Variants in SLC25A46 observed in about 807,000 individuals in gnomAD.
SLC25A46 encodes solute carrier family 25 member 46.
Under a neutral mutation model 44.6 loss-of-function variants are expected in SLC25A46, and 39 were observed. The observed-to-expected ratio is 0.87, with a 90% CI of 0.68 to 1.14. SLC25A46 has a LOEUF of 1.14. Ranked by LOEUF, SLC25A46 falls within the 50% of genes most tolerant of loss-of-function variation. The pLI, the probability that SLC25A46 is intolerant of heterozygous loss-of-function variation, is 0.00. For missense variants in SLC25A46, 547 were observed against 522.7 expected, an observed-to-expected ratio of 1.05 and a Z score of -0.45; for synonymous variants, 202 against 185.8, an observed-to-expected ratio of 1.09 and a Z score of -0.71.
intron 4 of SLC25A46, among the ~76,000 whole-genome samples, 187 bp from the exon 5 acceptor site, chr5:110,747,976 T>C (rs1208774571): frequency 6.6e-6 from 1 of 152,180 alleles, no homozygotes; most frequent in East Asian, 1.9e-4. Flanking sequence ...TTTTAATTAA[T>C]AGGAATGTTC....
intron 6 of SLC25A46, among the ~76,000 whole-genome samples, chr5:110,756,495 A>G (rs1044145154): frequency 1.3e-5 from 2 of 151,952 alleles, no homozygotes; most frequent in Non-Finnish European, 2.9e-5. Context: ...TTATCATTTG[A>G]TTTTTTCATC....
At position 110,764,079 on chromosome 5, in the gene SLC25A46, A is replaced by T. The variant is rs1215470337; in HGVS notation, c.*2297A>T. On this transcript the variant is annotated 3_prime_UTR_variant, in exon 8 of 8. Coordinates refer to ENST00000355943, the MANE Select transcript of SLC25A46 (RefSeq NM_138773.4). ...CTTCTTAAGATAATAACAGCTCAAAATAATATTTTTTAATTCAGTAGAACT... is the reference window on the plus strand; with the variant it reads ...CTTCTTAAGATAATAACAGCTCAAATTAATATTTTTTAATTCAGTAGAACT... The T allele has an allele frequency of 6.6e-6, 1 of 151,854 alleles. No individual in the cohort carries two copies. The highest frequency in any genetic ancestry group is 1.5e-5 in the Non-Finnish European group (1 of 67,880). 9.4% of individuals were successfully genotyped at this position (151,854 alleles called of 1,614,324 possible). A position where few individuals can be genotyped will look rare whatever the true frequency, so the allele number is the denominator to read the frequency against.
intron 3 of SLC25A46, chr5:110,745,605 T>TA (rs1456478949): frequency 2.0e-5 from 3 of 152,108 alleles, no homozygotes; most frequent in South Asian, 2.1e-4. Context: ...TGTTAGCTGT[T>TA]AGAGTTCAAA....
chr5:110,764,582 T>G lies in SLC25A46; in HGVS notation c.*2800T>G, dbSNP rs985820783. 3 of 151,940 alleles carry G rather than the reference T, an allele frequency of 2.0e-5. No homozygotes were observed. Among genetic ancestry groups the G allele is most frequent in the Non-Finnish European group, 2.9e-5 (2 of 67,940 alleles). The allele number at this position is 151,940 out of a possible 1,614,324, so 9.4% of individuals were successfully genotyped here. On this transcript the variant is annotated 3_prime_UTR_variant, in exon 8 of 8. Coordinates refer to ENST00000355943, the MANE Select transcript of SLC25A46 (RefSeq NM_138773.4). ...CACAACTGTCTTTTTAGCAGCAGCT[T>G]TGTTAAAACTGCACAAAGCATTCAC...
rs574831739 is a variant in SLC25A46, at chr5:110,761,157, A to G, written c.679-47A>G. 3 of 1,465,852 alleles carry G rather than the reference A, an allele frequency of 2.0e-6. No homozygotes were observed. In the African/African-American group the frequency reaches 4.3e-5, roughly 21 times the overall value. The allele number at this position is 1,465,852 out of a possible 1,614,324, so 90.8% of individuals were successfully genotyped here. On this transcript the variant is annotated intron_variant, in intron 7 of 7. Transcript: ENST00000355943. This position sits in a 1 kb window ranked among gnomAD's most constrained non-coding sequence, Gnocchi z 5.3. ...TAAAAAGAGTCCTTTTTCTGTGGCAAAATAAGCAAATGTTAAGTTTTACTT... is the reference window on the plus strand; with the variant it reads ...TAAAAAGAGTCCTTTTTCTGTGGCAGAATAAGCAAATGTTAAGTTTTACTT...
chr5:110,752,985 A>G (rs1336483225), intron 5 of SLC25A46, among the ~76,000 whole-genome samples: 1 of 152,172 alleles, frequency 6.6e-6, no homozygotes. Flanking sequence ...AGGAGAGACC[A>G]GAAGGCAGGA....
chr5:110,759,660 G>A (rs1800199149), intron 7 of SLC25A46, among the ~76,000 whole-genome samples: 1 of 152,110 alleles, frequency 6.6e-6, no homozygotes, highest in Non-Finnish European at 1.5e-5. Context: ...GATTACATAG[G>A]ACATTGTAAA....
intron 7 of SLC25A46, among the ~76,000 whole-genome samples, chr5:110,759,309 G>C (rs890528170): frequency 1.3e-5 from 2 of 152,254 alleles, no homozygotes; most frequent in Non-Finnish European, 2.9e-5. Flanking sequence ...CACTGAGAAG[G>C]TGACATTTGT....
At position 110,758,218 on chromosome 5, in the gene SLC25A46, A is replaced by G. The variant is rs139918318; in HGVS notation, c.678+1459A>G. ...CTCTTGTCTTATACCTTAAGGCCCA[A>G]TCCTTGACCCTCTGTTTTTTATCCT... is the stretch of plus-strand genomic sequence containing the variant. On this transcript the variant is annotated intron_variant, in intron 7 of 7. Coordinates refer to ENST00000355943, the MANE Select transcript of SLC25A46 (RefSeq NM_138773.4). Among the ~76,000 whole-genome samples the G allele has an allele frequency of 3.0e-3, 462 of 152,148 alleles. 3 individuals are homozygous for G. The highest frequency in any genetic ancestry group is 0.011 in the African/African-American group (444 of 41,518).
At chr5:110,757,064 C>G (rs142895640) in intron 7 of SLC25A46, 164 of 219,904 alleles carry the variant, frequency 7.5e-4, no homozygotes, top group Non-Finnish European at 1.3e-3. Flanking sequence ...TTTTTAAGGC[C>G]CTTACATACA....
At chr5:110,743,470 A>G (rs1005836934) in intron 2 of SLC25A46, among the ~76,000 whole-genome samples, 11 of 152,032 alleles carry the variant, frequency 7.2e-5, no homozygotes, top group African/African-American at 2.4e-4. Flanking sequence ...ATAGACATTA[A>G]TATTATGTAT....
Position 110,748,207 on chromosome 5 carries a change from C to G in SLC25A46, c.507C>G (p.Val169=). The part of the protein sequence containing the change: ...LWKGMGSTFI[V]QGVTLGAEGI... ...AAGGAATGGGAAGTACATTTATTGT[C>G]CAGGGAGTCACACTTGGAGCAGAAG... The change falls in exon 5 of 8, where the codon GTC becomes GTG. Residue 169 remains valine (V), a synonymous_variant. Coordinates refer to ENST00000355943, the MANE Select transcript of SLC25A46 (RefSeq NM_138773.4). 6.2e-7 allele frequency: 1 copy of G among 1,613,538 alleles called. No individual in the cohort carries two copies. The highest frequency in any genetic ancestry group is 8.5e-7 in the Non-Finnish European group (1 of 1,179,632).
Position 110,761,603 on chromosome 5 carries a change from C to T in SLC25A46, c.1078C>T (p.Leu360Phe), listed in dbSNP as rs1800253388. ...IDNTDLGYEV[L>F]PINTQYEGMR... ...CAATACAGACCTTGGCTATGAAGTG[C>T]TTCCAATTAATACACAATATGAGGG... Residue 360 changes from leucine (L) to phenylalanine (F), a missense_variant, in exon 8 of 8, where the codon CTT becomes TTT. Transcript: ENST00000355943. This position sits in a 1 kb window ranked among gnomAD's most constrained non-coding sequence, Gnocchi z 5.3. 1 of 1,613,674 alleles carries T rather than the reference C, an allele frequency of 6.2e-7. No homozygotes were observed. Among genetic ancestry groups the T allele is most frequent in the Non-Finnish European group, 8.5e-7 (1 of 1,179,732 alleles).
chr5:110,755,166 C>T, intron 5 of SLC25A46: 1 of 200,726 alleles, frequency 5.0e-6, no homozygotes. Context: ...TTCTTTTAAC[C>T]AATCATCTTA....
intron 7 of SLC25A46, among the ~76,000 whole-genome samples, chr5:110,757,238 T>G (rs939369900): frequency 7.9e-5 from 12 of 152,144 alleles, no homozygotes; most frequent in Admixed American, 6.6e-5. Flanking sequence ...CTATTGGGTG[T>G]GGTAAATACT....
chr5:110,746,418 G>A (rs1799821900), intron 4 of SLC25A46, 72 bp downstream of exon 4: 3 of 1,002,942 alleles, frequency 3.0e-6, no homozygotes, highest in South Asian at 3.1e-5. Context: ...ATTAAAGCAA[G>A]AATAATTACT....
At chr5:110,739,725 T>G (rs984945022) in intron 1 of SLC25A46, among the ~76,000 whole-genome samples, 1 of 152,232 alleles carries the variant, frequency 6.6e-6, no homozygotes, top group African/African-American at 2.4e-5. Flanking sequence ...CTGATTCACT[T>G]TGGCAGCTCT....
At chr5:110,745,466 G>C (rs1580858122) in intron 3 of SLC25A46, 2 of 152,264 alleles carry the variant, frequency 1.3e-5, no homozygotes, top group African/African-American at 4.8e-5. Context: ...TGTTAGCCAG[G>C]ATGGTCTCGA....
intron 5 of SLC25A46, chr5:110,753,771 G>C (rs559671804): frequency 2.8e-4 from 42 of 152,112 alleles, no homozygotes; most frequent in African/African-American, 9.6e-4. Context: ...GTCATCAAAG[G>C]GGAGGTAACT....
Sources: gnomAD v4.1 joint callset for allele counts (sites outside exome capture counted in the v4.1 genomes callset) on GRCh38, gnomAD v4.1.1 for gene constraint, Gnocchi (gnomAD v3.1) non-coding constraint, MANE v1.5 for transcripts, NCBI Gene and HGNC (gene_info 2026-07-23, HGNC 2026-07-21) for gene names.